The following MSH3 variants were observed in gnomAD, a reference collection of about 807,000 sequenced individuals.
MSH3 encodes DNA mismatch repair protein Msh3.
MSH3 carries 106 observed loss-of-function variants against 123.3 expected under a neutral mutation model. That is an observed-to-expected ratio of 0.86 (90% confidence interval 0.73 to 1.01). MSH3 has a LOEUF of 1.01. Among genes scored for constraint, MSH3 ranks in the 50% least tolerant of loss-of-function variants. MSH3 has a pLI of 0.00. For synonymous variants in MSH3, 515 were observed against 481.4 expected (o/e 1.07, Z -0.91); for missense variants, 1,459 against 1,347.6 (o/e 1.08, Z -1.29).
chr5:80,758,111 C>T (rs1466206015), intron 12 of MSH3, among the ~76,000 whole-genome samples: 1 of 152,178 alleles, frequency 6.6e-6, no homozygotes, highest in East Asian at 1.9e-4. Flanking sequence ...TACTTCAGAT[C>T]ATTACTACTT....
intron 8 of MSH3, among the ~76,000 whole-genome samples, chr5:80,715,865 C>T (rs1449138566): frequency 6.6e-6 from 1 of 152,180 alleles, no homozygotes; most frequent in Non-Finnish European, 1.5e-5. Context: ...CAGGTCCCTG[C>T]TCCAGCACTG....
rs948586159 is a variant in MSH3 at position 80,783,094 on chromosome 5, A to G, written c.2435+4258A>G. ...AGAAATTCATTTGCAAATATTTTCA[A>G]TTTTTATTAACTTCAGATATCATTG... On this transcript the variant is annotated intron_variant, in intron 17 of 23. Coordinates refer to ENST00000265081, the MANE Select transcript of MSH3 (RefSeq NM_002439.5). 2.6e-5 allele frequency among the ~76,000 whole-genome samples: 4 copies of G among 152,290 alleles called. No individual in the cohort carries two copies. The East Asian group carries it at 7.7e-4, about 29-fold the overall frequency.
rs1288178604 is a variant in MSH3 at position 80,876,053 on chromosome 5, A to G, written c.*191A>G. 3.4e-6 allele frequency: 2 copies of G among 591,448 alleles called. No individual in the cohort carries two copies. The highest frequency in any genetic ancestry group is 1.9e-5 in the African/African-American group (1 of 53,834). The allele number at this position is 591,448 out of a possible 1,614,324, so 36.6% of individuals were successfully genotyped here. On this transcript the variant is annotated 3_prime_UTR_variant, in exon 24 of 24. Coordinates refer to ENST00000265081, the MANE Select transcript of MSH3 (RefSeq NM_002439.5). The stretch of plus-strand genomic sequence containing the variant: ...AAGTTTCTGTCTTCCTAACTTTTCT[A>G]CGTATAAACACTCTTGAATAGACTT...
intron 13 of MSH3, among the ~76,000 whole-genome samples, chr5:80,766,339 C>CTTTTTTTTTTTTTTT (rs1166492002): frequency 1.3e-5 from 1 of 78,212 alleles, no homozygotes; most frequent in African/African-American, 5.6e-5. Context: ...TGTTTTTTTC[C>CTTTTTTTTTTTTTTT]TTTTTTTTTT....
At chr5:80,762,620 A>AT (rs1010631698) in intron 13 of MSH3, among the ~76,000 whole-genome samples, 11 of 144,904 alleles carry the variant, frequency 7.6e-5, no homozygotes, top group South Asian at 2.2e-4. Context: ...CTTGACTGCC[A>AT]TTTTTTTTTT....
chr5:80,761,190 C>G (rs1744025194), intron 12 of MSH3, among the ~76,000 whole-genome samples: 1 of 152,048 alleles, frequency 6.6e-6, no homozygotes, highest in Non-Finnish European at 1.5e-5. Context: ...GGGCAAAGAG[C>G]AATAAAAAGG....
chr5:80,702,262 C>G (rs919260214), intron 8 of MSH3, among the ~76,000 whole-genome samples: 1 of 152,140 alleles, frequency 6.6e-6, no homozygotes, highest in Non-Finnish European at 1.5e-5. Flanking sequence ...TCTTCTTGGC[C>G]TGGCTGAGCT....
intron 10 of MSH3, among the ~76,000 whole-genome samples, chr5:80,732,181 A>C (rs893959204): frequency 6.6e-6 from 1 of 152,200 alleles, no homozygotes; most frequent in African/African-American, 2.4e-5. Flanking sequence ...GATATTATTT[A>C]TTATAACAGA....
rs1745702501 is a variant in MSH3, at chr5:80,845,372, A to G, written c.2814-8758A>G. The stretch of plus-strand genomic sequence containing the variant: ...TTCAACCTTGGTGAATCTGACAATT[A>G]TGTGTCTTGGAGTTGCTCTTCTCGA... On this transcript the variant is annotated intron_variant, in intron 20 of 23. Coordinates refer to ENST00000265081, the MANE Select transcript of MSH3 (RefSeq NM_002439.5). Among the ~76,000 whole-genome samples, 3 of 152,010 alleles carry G rather than the reference A, an allele frequency of 2.0e-5. No individual in the cohort carries two copies. In the South Asian group the frequency reaches 6.2e-4, roughly 32 times the overall value.
At chr5:80,814,354 C>T (rs1196840438) in intron 20 of MSH3, among the ~76,000 whole-genome samples, 1 of 152,130 alleles carries the variant, frequency 6.6e-6, no homozygotes, top group African/African-American at 2.4e-5. Flanking sequence ...TCACTGCAAC[C>T]TTTGCCTCCC....
chr5:80,698,888 C>T (rs1315125391), intron 8 of MSH3, among the ~76,000 whole-genome samples: 1 of 152,106 alleles, frequency 6.6e-6, no homozygotes, highest in Non-Finnish European at 1.5e-5. Flanking sequence ...CAACATGGCA[C>T]ATGTATACAT....
intron 20 of MSH3, among the ~76,000 whole-genome samples, chr5:80,820,011 G>C (rs942791204): frequency 6.6e-6 from 1 of 152,218 alleles, no homozygotes; most frequent in African/African-American, 2.4e-5. Context: ...TGCAATGCTA[G>C]AGAAGTGTAT....
At chr5:80,777,659 A>G (rs1420146106) in intron 16 of MSH3, among the ~76,000 whole-genome samples, 1 of 152,192 alleles carries the variant, frequency 6.6e-6, no homozygotes, top group Non-Finnish European at 1.5e-5. Flanking sequence ...ATTGCAGTTT[A>G]TCTGTTTGGC....
intron 19 of MSH3, among the ~76,000 whole-genome samples, chr5:80,798,614 ACATAG>A (rs976846467): frequency 5.3e-5 from 8 of 152,218 alleles, no homozygotes; most frequent in African/African-American, 1.9e-4. Flanking sequence ...GGTGTTTTTC[ACATAG>A]CATGATCTTT....
chr5:80,739,305 A>G (rs911575393), intron 10 of MSH3, among the ~76,000 whole-genome samples: 3 of 152,240 alleles, frequency 2.0e-5, no homozygotes, highest in African/African-American at 7.2e-5. Context: ...AATTCATGTG[A>G]ACTCTTGTCA....
chr5:80,775,858 G>T, intron 16 of MSH3, 100 bp downstream of exon 16: 1 of 715,998 alleles, frequency 1.4e-6, no homozygotes, highest in Non-Finnish European at 2.5e-6. Flanking sequence ...GAAATTAAAA[G>T]CAATTCTTTT....
At chr5:80,658,767 A>G (rs1749355919) in intron 2 of MSH3, among the ~76,000 whole-genome samples, 1 of 139,630 alleles carries the variant, frequency 7.2e-6, no homozygotes, top group Non-Finnish European at 1.6e-5. Flanking sequence ...AATTAAAAAT[A>G]TATATATTTT....
chr5:80,714,698 CAA>C (rs1750922900), intron 8 of MSH3, among the ~76,000 whole-genome samples: 1 of 152,124 alleles, frequency 6.6e-6, no homozygotes, highest in Non-Finnish European at 1.5e-5. Flanking sequence ...GCTTATCAAA[CAA>C]AATTTTAATT....
At chr5:80,658,183 C>T (rs1186006566) in intron 2 of MSH3, among the ~76,000 whole-genome samples, 1 of 151,864 alleles carries the variant, frequency 6.6e-6, no homozygotes, top group African/African-American at 2.4e-5. Context: ...CTCAGCCTCC[C>T]GAATAGCTGG....
Sources: allele counts gnomAD v4.1 joint callset (sites outside exome capture counted in the v4.1 genomes callset), GRCh38; gene constraint gnomAD v4.1.1; transcripts MANE v1.5; gene names NCBI Gene and HGNC (gene_info 2026-07-23, HGNC 2026-07-21).